FAM216B: variants seen among roughly 807,000 people sequenced by gnomAD.
FAM216B encodes protein FAM216B.
FAM216B carries 11 observed loss-of-function variants against 12.9 expected under a neutral mutation model. That is an observed-to-expected ratio of 0.86 (90% CI 0.54 to 1.42). FAM216B has a LOEUF of 1.42. FAM216B is among the 40% of genes most tolerant of loss of function. The pLI, the probability that FAM216B is intolerant of heterozygous loss-of-function variation, is 0.00. For synonymous variants in FAM216B, 52 were observed against 57.2 expected (o/e 0.91, Z 0.41); for missense variants, 167 against 162.9 (o/e 1.02, Z -0.14).
Position 42,784,100 on chromosome 13 carries a change from T to C in FAM216B, c.33T>C (p.Leu11=). The change falls in exon 2 of 4, where the codon CTT becomes CTC. Residue 11 remains leucine, a synonymous_variant. Coordinates refer to ENST00000313851, the MANE Select transcript of FAM216B (RefSeq NM_001318932.2). The part of the protein sequence containing the change: MGQNWKRQQK[L]WNVPQLPFIR... ...AAAACTGGAAAAGACAACAAAAGCT[T>C]TGGAATGTTCCACAACTTCCTTTTA... is the stretch of plus-strand genomic sequence containing the variant. 6.2e-7 allele frequency: 1 copy of C among 1,610,466 alleles called. No individual in the cohort carries two copies. Among genetic ancestry groups the C allele is most frequent in the Admixed American group, 1.7e-5 (1 of 59,734 alleles).
chr13:42,786,174 C>T (rs1874079061), intron 2 of FAM216B, among the ~76,000 whole-genome samples: 1 of 152,154 alleles, frequency 6.6e-6, no homozygotes, highest in Non-Finnish European at 1.5e-5. Flanking sequence ...AGCAGGTTTC[C>T]AGATGTTGTG....
chr13:42,783,173 G>T (rs959469115), intron 1 of FAM216B, among the ~76,000 whole-genome samples: 3 of 152,016 alleles, frequency 2.0e-5, no homozygotes, highest in East Asian at 3.9e-4. Context: ...ATTGGGTGTG[G>T]GGTGTGTACC....
At chr13:42,783,798 G>A (rs1425369784) in intron 1 of FAM216B, among the ~76,000 whole-genome samples, 2 of 151,822 alleles carry the variant, frequency 1.3e-5, no homozygotes, top group African/African-American at 2.4e-5. Context: ...AGAAAGACAA[G>A]GGCTCTGAAT....
At chr13:42,783,903 A>C (rs1226350128) in intron 1 of FAM216B, among the ~76,000 whole-genome samples, 151 bp from the exon 2 acceptor site, 1 of 152,124 alleles carries the variant, frequency 6.6e-6, no homozygotes, top group African/African-American at 2.4e-5. Flanking sequence ...GTGATGTCCA[A>C]TTACTTGGAA....
At chr13:42,784,937 T>C (rs1874026840) in intron 2 of FAM216B, among the ~76,000 whole-genome samples, 1 of 152,136 alleles carries the variant, frequency 6.6e-6, no homozygotes, top group Non-Finnish European at 1.5e-5. Flanking sequence ...TTAGTAATGT[T>C]ACCTGTTACT....
intron 1 of FAM216B, among the ~76,000 whole-genome samples, chr13:42,782,176 C>T (rs1053897908): frequency 3.9e-5 from 6 of 152,198 alleles, no homozygotes; most frequent in African/African-American, 1.4e-4. Context: ...ATGGAACCTT[C>T]GATGTGTGAA....
chr13:42,791,308 A>G lies in FAM216B; in HGVS notation c.*2518A>G, dbSNP rs1594551599. 2 of 152,218 alleles carry G rather than the reference A, an allele frequency of 1.3e-5. No homozygotes were observed. The highest frequency in any genetic ancestry group is 1.3e-4 in the Admixed American group (2 of 15,260). The allele number at this position is 152,218 out of a possible 1,614,324, so 9.4% of individuals were successfully genotyped here. On this transcript the variant is annotated 3_prime_UTR_variant, in exon 4 of 4. Transcript: ENST00000313851. ...CCACATGGAAACTAATTCAGGGAAT[A>G]TCCTGCTATATAGTTGGCTCTCAGT...
In FAM216B at chr13:42,790,001, G is replaced by T. The variant is rs916729601; in HGVS notation, c.*1211G>T. 1 of 152,144 alleles carries T rather than the reference G, an allele frequency of 6.6e-6. No homozygotes were observed. The highest frequency in any genetic ancestry group is 2.1e-4 in the South Asian group (1 of 4,820). 9.4% of individuals were successfully genotyped at this position (152,144 alleles called of 1,614,324 possible). ...TTCTTTGGGAGGAATGGGAAGTGTGGTTGGCCCACTAGTCTGATAAGAAGT... is the reference window on the plus strand; with the variant it reads ...TTCTTTGGGAGGAATGGGAAGTGTGTTTGGCCCACTAGTCTGATAAGAAGT... On this transcript the variant is annotated 3_prime_UTR_variant, in exon 4 of 4. Transcript: ENST00000313851.
At chr13:42,787,524 T>C (rs1437949315) in intron 3 of FAM216B, among the ~76,000 whole-genome samples, 1 of 152,230 alleles carries the variant, frequency 6.6e-6, no homozygotes, top group Non-Finnish European at 1.5e-5. Context: ...AATGAAATAA[T>C]GGTTGTGAAA....
chr13:42,788,901 C>T lies in FAM216B; in HGVS notation c.*111C>T. 9.2e-7 allele frequency: 1 copy of T among 1,082,666 alleles called. No individual in the cohort carries two copies. The highest frequency in any genetic ancestry group is 1.3e-6 in the Non-Finnish European group (1 of 784,568). 67.1% of individuals were successfully genotyped at this position (1,082,666 alleles called of 1,614,324 possible). A position where few individuals can be genotyped will look rare whatever the true frequency, so the allele number is the denominator to read the frequency against. On this transcript the variant is annotated 3_prime_UTR_variant, in exon 4 of 4. Transcript: ENST00000313851. ...AGTGAATAATTTCTAATATAAACCC[C>T]AGACCTAAAAATAATCTCTGATTCA...
chr13:42,784,151 C>T lies in FAM216B; in HGVS notation c.84C>T (p.Asp28=). The part of the protein sequence containing the change: ...PFIRVPPSIY[D]TSLLKALNQG... Reference sequence around the variant, plus strand: ...TTCGAGTTCCTCCCTCCATCTATGACACTTCCTTACTAAAGGTATGGCTTT... The same window carrying T: ...TTCGAGTTCCTCCCTCCATCTATGATACTTCCTTACTAAAGGTATGGCTTT... Residue 28 remains aspartate (D), a synonymous_variant, in exon 2 of 4, where the codon GAC becomes GAT. Transcript: ENST00000313851. 1.5e-6 allele frequency: 2 copies of T among 1,348,032 alleles called. No homozygotes were observed. Among genetic ancestry groups the T allele is most frequent in the Non-Finnish European group, 2.1e-6 (2 of 963,296 alleles). 83.5% of individuals were successfully genotyped at this position (1,348,032 alleles called of 1,614,324 possible).
rs1874257581 is a variant in FAM216B, at chr13:42,789,998, G to A, written c.*1208G>A. On this transcript the variant is annotated 3_prime_UTR_variant, in exon 4 of 4. Coordinates refer to ENST00000313851, the MANE Select transcript of FAM216B (RefSeq NM_001318932.2). ...CTTTTCTTTGGGAGGAATGGGAAGT[G>A]TGGTTGGCCCACTAGTCTGATAAGA... The A allele has an allele frequency of 6.6e-6, 1 of 152,208 alleles. No homozygotes were observed. The highest frequency in any genetic ancestry group is 2.4e-5 in the African/African-American group (1 of 41,458). The allele number at this position is 152,208 out of a possible 1,614,324, so 9.4% of individuals were successfully genotyped here.
chr13:42,784,399 G>A (rs887076730), intron 2 of FAM216B, among the ~76,000 whole-genome samples: 2 of 151,924 alleles, frequency 1.3e-5, no homozygotes, highest in Non-Finnish European at 2.9e-5. Flanking sequence ...TCACCTCTTC[G>A]TGGCTGACCC....
Position 42,791,317 on chromosome 13 carries a change from T to C in FAM216B, c.*2527T>C, listed in dbSNP as rs887180841. 6.6e-6 allele frequency: 1 copy of C among 152,206 alleles called. No individual in the cohort carries two copies. 9.4% of individuals were successfully genotyped at this position (152,206 alleles called of 1,614,324 possible). ...AACTAATTCAGGGAATATCCTGCTA[T>C]ATAGTTGGCTCTCAGTACATATGGT... On this transcript the variant is annotated 3_prime_UTR_variant, in exon 4 of 4. Coordinates refer to ENST00000313851, the MANE Select transcript of FAM216B (RefSeq NM_001318932.2).
Position 42,786,908 on chromosome 13 carries a change from C to T in FAM216B, c.220+25C>T, listed in dbSNP as rs375560512. On this transcript the variant is annotated intron_variant, in intron 3 of 3. Coordinates refer to ENST00000313851, the MANE Select transcript of FAM216B (RefSeq NM_001318932.2). ...GGTAAGTTTAACTACGTGATCCAAACTAAGCACCTAAGGAATCAACTCGTG... is the reference window on the plus strand; with the variant it reads ...GGTAAGTTTAACTACGTGATCCAAATTAAGCACCTAAGGAATCAACTCGTG... 6 of 1,612,544 alleles carry T rather than the reference C, an allele frequency of 3.7e-6. No homozygotes were observed. In the East Asian group the frequency reaches 1.1e-4, roughly 30 times the overall value.
chr13:42,786,636 TAA>T (rs57301416), intron 2 of FAM216B, 125 bp from the exon 3 acceptor site: 138 of 1,059,148 alleles, frequency 1.3e-4, no homozygotes, highest in African/African-American at 4.6e-4. Context: ...TGTTGCACAT[TAA>T]AAAAAAAAAA....
chr13:42,788,003 G>A (rs1030466706), intron 3 of FAM216B, among the ~76,000 whole-genome samples: 2 of 152,132 alleles, frequency 1.3e-5, no homozygotes, highest in Non-Finnish European at 2.9e-5. Context: ...CTCCATGATT[G>A]TCTGAAGTGT....
intron 3 of FAM216B, 141 bp downstream of exon 3, chr13:42,787,024 T>A: frequency 2.3e-6 from 3 of 1,289,646 alleles, no homozygotes; most frequent in Non-Finnish European, 3.2e-6. Context: ...TTAGCCAAGT[T>A]TCAAAGTGCT....
Position 42,789,938 on chromosome 13 carries a change from T to C in FAM216B, c.*1148T>C, listed in dbSNP as rs1181119606. On this transcript the variant is annotated 3_prime_UTR_variant, in exon 4 of 4. Transcript: ENST00000313851. ...TGTCATGAGATTCTGAACACTAGTA[T>C]TGAGGTCCAGCACTACTTCCAAGCT... 6.6e-6 allele frequency: 1 copy of C among 152,172 alleles called. No homozygotes were observed. The highest frequency in any genetic ancestry group is 1.5e-5 in the Non-Finnish European group (1 of 68,032). The allele number at this position is 152,172 out of a possible 1,614,324, so 9.4% of individuals were successfully genotyped here.
Sources: allele counts gnomAD v4.1 joint callset (sites outside exome capture counted in the v4.1 genomes callset), GRCh38; gene constraint gnomAD v4.1.1; transcripts MANE v1.5; gene names NCBI Gene and HGNC (gene_info 2026-07-23, HGNC 2026-07-21).